Variants in STRN3 observed in about 807,000 individuals in gnomAD.
The protein encoded by STRN3 is striatin-3.
Under a neutral mutation model 95.6 loss-of-function variants are expected in STRN3, and 29 were observed. The ratio of observed to expected loss-of-function variants is 0.30; its 90% CI spans 0.23 to 0.41. The LOEUF (loss-of-function observed/expected upper bound fraction) is 0.41. Ranked by LOEUF, STRN3 falls within the 10% of genes least tolerant of loss-of-function variation. The pLI, the probability that STRN3 is intolerant of heterozygous loss-of-function variation, is 1.00. For missense variants in STRN3, 890 were observed against 972.1 expected (o/e 0.92, Z 1.12); for synonymous variants, 331 against 357.6 (o/e 0.93, Z 0.84).
chr14:30,929,979 A>AAAAAAAT (rs1566441550), intron 7 of STRN3, among the ~76,000 whole-genome samples: 1 of 147,388 alleles, frequency 6.8e-6, no homozygotes, highest in African/African-American at 2.5e-5. Context: ...AAAAAAAAAA[A>AAAAAAAT]CTCAAATTCC....
chr14:31,026,176 G>T lies in STRN3; in HGVS notation c.10C>A (p.Leu4Ile). MDELAGGGGGGPGM... is the reference protein window; with the variant it reads MDEIAGGGGGGPGM... ...GGGCCGCCACCACCGCCTCCGGCAA[G>T]CTCGTCCATTGTGTGTGGGGCCCCG... The change falls in exon 1 of 18, where the codon CTT becomes ATT. Residue 4 changes from leucine (L) to isoleucine (I), a missense_variant. This residue lies in a region of STRN3 where 526 missense variants were observed against 526.3 expected (regional missense o/e 1.00). Transcript: ENST00000357479. The T allele has an allele frequency of 6.8e-7, 1 of 1,478,292 alleles. No homozygotes were observed. The highest frequency in any genetic ancestry group is 8.9e-7 in the Non-Finnish European group (1 of 1,122,586). The allele number at this position is 1,478,292 out of a possible 1,614,324, so 91.6% of individuals were successfully genotyped here.
chr14:30,902,670 T>C, intron 15 of STRN3, 27 bp from the exon 16 acceptor site: 1 of 1,437,510 alleles, frequency 7.0e-7, no homozygotes, highest in Non-Finnish European at 9.6e-7. Flanking sequence ...GACAATAAGT[T>C]AAAATTCAAA....
intron 1 of STRN3, among the ~76,000 whole-genome samples, chr14:30,992,918 G>C (rs970162698): frequency 1.3e-5 from 2 of 152,158 alleles, no homozygotes; most frequent in Admixed American, 1.3e-4. Context: ...TCAAACTACT[G>C]GGCTCAAGTG....
intron 1 of STRN3, among the ~76,000 whole-genome samples, chr14:30,979,033 CAAAAAAAAAAAAAAAA>C (rs10585744): frequency 4.6e-5 from 3 of 65,462 alleles, no homozygotes; most frequent in Admixed American, 2.3e-4. Context: ...GACTCCATCT[CAAAAAAAAAAAAAAAA>C]AAAAAAAAAA....
At chr14:30,928,465 T>C (rs751280324) in intron 8 of STRN3, among the ~76,000 whole-genome samples, 1 of 152,244 alleles carries the variant, frequency 6.6e-6, no homozygotes, top group South Asian at 2.1e-4. Context: ...TTAATAGTCA[T>C]AGATCTGAAG....
chr14:30,915,019 AG>A (rs1281709760), intron 9 of STRN3, among the ~76,000 whole-genome samples: 2 of 152,232 alleles, frequency 1.3e-5, no homozygotes, highest in South Asian at 2.1e-4. Context: ...ATGCTTTGAA[AG>A]CAAAATTTTA....
At chr14:30,933,698 G>A (rs10483355) in intron 7 of STRN3, among the ~76,000 whole-genome samples, 13,704 of 152,172 alleles carry the variant, frequency 0.09, 901 homozygotes, top group South Asian at 0.29. Flanking sequence ...AGTAATTGTG[G>A]AGTTTTCTCA....
chr14:30,964,115 G>A (rs907824774), intron 1 of STRN3, among the ~76,000 whole-genome samples: 6 of 152,140 alleles, frequency 3.9e-5, no homozygotes, highest in African/African-American at 1.4e-4. Flanking sequence ...AGGCAGGTGT[G>A]GTGGTGCGCA....
chr14:30,931,260 T>C (rs879329638), intron 7 of STRN3, among the ~76,000 whole-genome samples: 1 of 152,140 alleles, frequency 6.6e-6, no homozygotes, highest in Admixed American at 6.5e-5. Context: ...TTGATATTGC[T>C]TATAAGAAAT....
rs554712366 is a variant in STRN3 at position 30,900,584 on chromosome 14, T to C, written c.2137+1952A>G. On this transcript the variant is annotated intron_variant, in intron 16 of 17. Transcript: ENST00000357479. ...GCCAACTTGGTGAAAATACAAAAAT[T>C]AGCTGGACATGGTGGCACACACCTG... Among the ~76,000 whole-genome samples, 4 of 151,352 alleles carry C rather than the reference T, an allele frequency of 2.6e-5. No homozygotes were observed. In the South Asian group the frequency reaches 8.4e-4, roughly 32 times the overall value.
At position 30,943,980 on chromosome 14, in the gene STRN3, C is replaced by T. The variant is rs138728044; in HGVS notation, c.716+3110G>A. 2.6e-3 allele frequency among the ~76,000 whole-genome samples: 390 copies of T among 152,152 alleles called. 1 individual carries two copies. Among genetic ancestry groups the T allele is most frequent in the African/African-American group, 9.1e-3 (377 of 41,508 alleles). ...CTTTGTGCTTCTGTTAACAATACTG[C>T]ACACTTTAAAGTTTGTTGAGAGGGC... is the stretch of plus-strand genomic sequence containing the variant. On this transcript the variant is annotated intron_variant, in intron 5 of 17. Transcript: ENST00000357479.
chr14:31,001,532 A>AC (rs1423217588), intron 1 of STRN3, among the ~76,000 whole-genome samples: 1 of 151,330 alleles, frequency 6.6e-6, no homozygotes, highest in Non-Finnish European at 1.5e-5. Flanking sequence ...ACAGAGTGAG[A>AC]CCCCACCTAA....
chr14:30,959,515 CATAAT>C (rs900250058), intron 1 of STRN3, among the ~76,000 whole-genome samples: 5 of 135,828 alleles, frequency 3.7e-5, no homozygotes, highest in Non-Finnish European at 7.0e-5. Flanking sequence ...GTGATAATAA[CATAAT>C]AATGACCAAT....
intron 1 of STRN3, among the ~76,000 whole-genome samples, chr14:30,994,766 A>T (rs1233783470): frequency 6.6e-6 from 1 of 152,250 alleles, no homozygotes; most frequent in Non-Finnish European, 1.5e-5. Context: ...TGACTGGACT[A>T]CTGAGTGCCT....
rs774627428 is a variant in STRN3, at chr14:30,902,681, C to A, written c.2030-38G>T. On this transcript the variant is annotated intron_variant, in intron 15 of 17. Coordinates refer to ENST00000357479, the MANE Select transcript of STRN3 (RefSeq NM_001083893.2). ...GGAAGACAATAAGTTAAAATTCAAA[C>A]CTTTAATAAGAAGTTGGATAATGGC... 6 of 1,342,202 alleles carry A rather than the reference C, an allele frequency of 4.5e-6. No individual in the cohort carries two copies. In the African/African-American group the frequency reaches 5.9e-5, roughly 13 times the overall value. The allele number at this position is 1,342,202 out of a possible 1,614,324, so 83.1% of individuals were successfully genotyped here. A position where few individuals can be genotyped will look rare whatever the true frequency, so the allele number is the denominator to read the frequency against.
intron 1 of STRN3, among the ~76,000 whole-genome samples, chr14:30,957,436 G>GAGTGAGAC (rs1442584059): frequency 7.7e-6 from 1 of 130,488 alleles, no homozygotes; most frequent in African/African-American, 3.0e-5. Context: ...CTAGGCGACA[G>GAGTGAGAC]AGTGAGACTC....
chr14:30,912,654 G>T (rs1896640015), intron 10 of STRN3, among the ~76,000 whole-genome samples: 1 of 152,080 alleles, frequency 6.6e-6, no homozygotes, highest in South Asian at 2.1e-4. Flanking sequence ...GACCCTTTAA[G>T]AATATTTTTA....
At chr14:31,002,357 A>G (rs921527822) in intron 1 of STRN3, among the ~76,000 whole-genome samples, 5 of 150,780 alleles carry the variant, frequency 3.3e-5, no homozygotes, top group African/African-American at 9.8e-5. Flanking sequence ...CTGTAATCCC[A>G]TCTACTCAGG....
chr14:30,954,083 G>A (rs959694888), intron 3 of STRN3, among the ~76,000 whole-genome samples: 1 of 152,046 alleles, frequency 6.6e-6, no homozygotes, highest in Non-Finnish European at 1.5e-5. Flanking sequence ...TAGCCATTCT[G>A]GTCAGTGTCT....
Sources: allele counts gnomAD v4.1 joint callset (sites outside exome capture counted in the v4.1 genomes callset), GRCh38; gene constraint gnomAD v4.1.1; regional missense constraint gnomAD v4.1.1; transcripts MANE v1.5; gene names NCBI Gene and HGNC (gene_info 2026-07-23, HGNC 2026-07-21).